Variants in AGPAT4 observed in about 807,000 individuals in gnomAD.
AGPAT4 encodes 1-acyl-sn-glycerol-3-phosphate acyltransferase delta.
AGPAT4 carries 15 observed loss-of-function variants against 48.0 expected under a neutral mutation model. The ratio of observed to expected loss-of-function variants is 0.31; its 90% CI spans 0.21 to 0.48. The LOEUF is 0.48. AGPAT4 is among the 20% of genes least tolerant of loss of function. The pLI is 0.99. For missense variants in AGPAT4, 314 were observed against 482.5 expected (o/e 0.65, Z 3.27); for synonymous variants, 178 against 198.7 (o/e 0.90, Z 0.88).
intron 3 of AGPAT4, among the ~76,000 whole-genome samples, chr6:161,156,936 G>T (rs903015105): frequency 6.6e-6 from 1 of 152,212 alleles, no homozygotes; most frequent in African/African-American, 2.4e-5. Flanking sequence ...TTTCCCATAA[G>T]GGATACTTTC....
chr6:161,159,864 C>T lies in AGPAT4; in HGVS notation c.349-5554G>A, dbSNP rs546755642. 4.0e-4 allele frequency among the ~76,000 whole-genome samples: 60 copies of T among 151,870 alleles called. 2 individuals carry two copies. The South Asian group carries it at 7.9e-3, about 20-fold the overall frequency. On this transcript the variant is annotated intron_variant, in intron 3 of 8. Coordinates refer to ENST00000320285, the MANE Select transcript of AGPAT4 (RefSeq NM_020133.3). The surrounding 1 kb of genome is among the most constrained non-coding windows in gnomAD (Gnocchi z 4.1). ...TTCACCATGTTGGCTAGTCTGGTCT[C>T]GAACTCCTGACCTTCAGGTCTCCCA...
intron 2 of AGPAT4, among the ~76,000 whole-genome samples, chr6:161,167,134 C>A (rs1780123370): frequency 6.6e-6 from 1 of 152,150 alleles, no homozygotes; most frequent in Non-Finnish European, 1.5e-5. Context: ...TCCAGAAAAA[C>A]AGTTGAATGT....
intron 1 of AGPAT4, among the ~76,000 whole-genome samples, chr6:161,239,504 T>C (rs1468863427): frequency 2.0e-5 from 3 of 152,228 alleles, no homozygotes; most frequent in African/African-American, 7.2e-5. Flanking sequence ...GTTTTTAATA[T>C]AGATTCACAT....
At chr6:161,224,514 T>G (rs924774504) in intron 2 of AGPAT4, among the ~76,000 whole-genome samples, 1 of 151,702 alleles carries the variant, frequency 6.6e-6, no homozygotes, top group East Asian at 1.9e-4. Flanking sequence ...CGGTGGCACC[T>G]GTCTGTAATC....
Position 161,161,380 on chromosome 6 carries a change from G to A in AGPAT4, c.348+4868C>T, listed in dbSNP as rs759872981. The A allele has an allele frequency of 1.0e-4, 46 of 456,524 alleles. No homozygotes were observed. The highest frequency in any genetic ancestry group is 1.6e-4 in the Non-Finnish European group (36 of 226,980). The allele number at this position is 456,524 out of a possible 1,614,324, so 28.3% of individuals were successfully genotyped here. ...TGCTACCTCGGTCGTCACCATTATC[G>A]GGTTCCTCATCCATGTGATTCCAGA... On this transcript the variant is annotated intron_variant, in intron 3 of 8. Transcript: ENST00000320285. The surrounding 1 kb of genome is among the most constrained non-coding windows in gnomAD (Gnocchi z 4.6).
Position 161,212,154 on chromosome 6 carries a change from G to A in AGPAT4, c.178+19882C>T, listed in dbSNP as rs1781537901. ...GTTATAAAGGTTATAAAAGGCTTAT[G>A]GAAGCTGTATCTTATGGTCAAGATT... On this transcript the variant is annotated intron_variant, in intron 2 of 8. Coordinates refer to ENST00000320285, the MANE Select transcript of AGPAT4 (RefSeq NM_020133.3). This position sits in a 1 kb window ranked among gnomAD's most constrained non-coding sequence, Gnocchi z 6.1. Among the ~76,000 whole-genome samples, 1 of 152,130 alleles carries A rather than the reference G, an allele frequency of 6.6e-6. No homozygotes were observed. The highest frequency in any genetic ancestry group is 2.1e-4 in the South Asian group (1 of 4,830).
At chr6:161,211,143 A>G (rs1781512734) in intron 2 of AGPAT4, among the ~76,000 whole-genome samples, 1 of 152,208 alleles carries the variant, frequency 6.6e-6, no homozygotes, top group Non-Finnish European at 1.5e-5. Flanking sequence ...TTAAATGGTG[A>G]CTATCACAGT....
rs925965125 is a variant in AGPAT4 at position 161,216,857 on chromosome 6, C to T, written c.178+15179G>A. 2.0e-5 allele frequency among the ~76,000 whole-genome samples: 3 copies of T among 152,180 alleles called. No individual in the cohort carries two copies. The highest frequency in any genetic ancestry group is 4.4e-5 in the Non-Finnish European group (3 of 68,028). On this transcript the variant is annotated intron_variant, in intron 2 of 8. Coordinates refer to ENST00000320285, the MANE Select transcript of AGPAT4 (RefSeq NM_020133.3). This position sits in a 1 kb window ranked among gnomAD's most constrained non-coding sequence, Gnocchi z 4.8. ...GATTCAACTACCTCCTCTTAGGTCC[C>T]TCCCACAATACGTGGGAATTCTGGG...
In AGPAT4 at chr6:161,146,444, G is replaced by C; in HGVS notation, c.843+80C>G. The stretch of plus-strand genomic sequence containing the variant: ...TGTGAGATCTCGCCCACCGGAGAAA[G>C]GCCTGCTACCACACAACACAGCCAC... On this transcript the variant is annotated intron_variant, in intron 7 of 8. Coordinates refer to ENST00000320285, the MANE Select transcript of AGPAT4 (RefSeq NM_020133.3). This position sits in a 1 kb window ranked among gnomAD's most constrained non-coding sequence, Gnocchi z 7.1. 7.2e-7 allele frequency: 1 copy of C among 1,386,914 alleles called. No individual in the cohort carries two copies. Among genetic ancestry groups the C allele is most frequent in the Non-Finnish European group, 1.0e-6 (1 of 991,594 alleles). 85.9% of individuals were successfully genotyped at this position (1,386,914 alleles called of 1,614,324 possible).
rs1259352578 is a variant in AGPAT4 at position 161,244,727 on chromosome 6, T to A, written c.-89-12425A>T. Among the ~76,000 whole-genome samples, 1 of 152,170 alleles carries A rather than the reference T, an allele frequency of 6.6e-6. No homozygotes were observed. The highest frequency in any genetic ancestry group is 2.4e-5 in the African/African-American group (1 of 41,442). On this transcript the variant is annotated intron_variant, in intron 1 of 8. Coordinates refer to ENST00000320285, the MANE Select transcript of AGPAT4 (RefSeq NM_020133.3). This position sits in a 1 kb window ranked among gnomAD's most constrained non-coding sequence, Gnocchi z 4.7. Reference sequence around the variant, plus strand: ...GACAAGGGTGCACACATCTCTCCCTTTGGTCTGGCCTAGCCCACCTACTCT... The same window carrying A: ...GACAAGGGTGCACACATCTCTCCCTATGGTCTGGCCTAGCCCACCTACTCT...
rs191582611 is a variant in AGPAT4, at chr6:161,189,971, C to T, written c.179-23554G>A. Among the ~76,000 whole-genome samples, 6 of 152,262 alleles carry T rather than the reference C, an allele frequency of 3.9e-5. No homozygotes were observed. The highest frequency in any genetic ancestry group is 2.6e-4 in the Admixed American group (4 of 15,298). The stretch of plus-strand genomic sequence containing the variant: ...TTAATTGGAGCATTTCTTTTCCTTT[C>T]TTAGAGATGCATAATAAATATGCAC... On this transcript the variant is annotated intron_variant, in intron 2 of 8. Coordinates refer to ENST00000320285, the MANE Select transcript of AGPAT4 (RefSeq NM_020133.3). This position sits in a 1 kb window ranked among gnomAD's most constrained non-coding sequence, Gnocchi z 5.3.
At chr6:161,207,079 T>C (rs9456641) in intron 2 of AGPAT4, among the ~76,000 whole-genome samples, 29,838 of 152,194 alleles carry the variant, frequency 0.2, 3,179 homozygotes, top group East Asian at 0.42. Flanking sequence ...AGGGACTTTT[T>C]CCAATGCAGA....
rs538279711 is a variant in AGPAT4, at chr6:161,270,320, C to T, written c.-90+3618G>A. The stretch of plus-strand genomic sequence containing the variant: ...TGCATGAAGCCAGGTTTCAGAGTTC[C>T]AGCGCTTCCTTTCCAAACTGATTCT... On this transcript the variant is annotated intron_variant, in intron 1 of 8. Coordinates refer to ENST00000320285, the MANE Select transcript of AGPAT4 (RefSeq NM_020133.3). The surrounding 1 kb of genome is among the most constrained non-coding windows in gnomAD (Gnocchi z 5.3). Among the ~76,000 whole-genome samples the T allele has an allele frequency of 6.6e-6, 1 of 152,300 alleles. No individual in the cohort carries two copies. The highest frequency in any genetic ancestry group is 2.1e-4 in the South Asian group (1 of 4,826).
chr6:161,166,057 T>C lies in AGPAT4; in HGVS notation c.348+191A>G. On this transcript the variant is annotated intron_variant, in intron 3 of 8. Transcript: ENST00000320285. The surrounding 1 kb of genome is among the most constrained non-coding windows in gnomAD (Gnocchi z 6.7). The stretch of plus-strand genomic sequence containing the variant: ...CAGGTAGCAATTGTTGAGTACCTCT[T>C]ATGATTGCCCATAAGAAGCTGTTAA... 1 of 716,902 alleles carries C rather than the reference T, an allele frequency of 1.4e-6. No individual in the cohort carries two copies. The highest frequency in any genetic ancestry group is 2.3e-6 in the Non-Finnish European group (1 of 428,124). 44.4% of individuals were successfully genotyped at this position (716,902 alleles called of 1,614,324 possible).
intron 2 of AGPAT4, among the ~76,000 whole-genome samples, chr6:161,210,449 T>C (rs1315073174): frequency 5.3e-5 from 8 of 152,208 alleles, no homozygotes; most frequent in African/African-American, 1.9e-4. Context: ...TGTACTTCTA[T>C]CGGCATGCCT....
Position 161,137,973 on chromosome 6 carries a change from T to C in AGPAT4, c.1043-1339A>G, listed in dbSNP as rs1462560416. On this transcript the variant is annotated intron_variant, in intron 8 of 8. Transcript: ENST00000320285. This position sits in a 1 kb window ranked among gnomAD's most constrained non-coding sequence, Gnocchi z 6.1. Reference sequence around the variant, plus strand: ...TTTTGGTACTCGCTACACAGCTGGGTGGCCCTGTCTGCAGCCTTCATCCTG... The same window carrying C: ...TTTTGGTACTCGCTACACAGCTGGGCGGCCCTGTCTGCAGCCTTCATCCTG... Among the ~76,000 whole-genome samples, 1 of 152,194 alleles carries C rather than the reference T, an allele frequency of 6.6e-6. No homozygotes were observed. The highest frequency in any genetic ancestry group is 6.5e-5 in the Admixed American group (1 of 15,286).
rs1783381386 is a variant in AGPAT4, at chr6:161,270,145, A to G, written c.-90+3793T>C. Among the ~76,000 whole-genome samples the G allele has an allele frequency of 6.6e-6, 1 of 152,218 alleles. No individual in the cohort carries two copies. The highest frequency in any genetic ancestry group is 1.5e-5 in the Non-Finnish European group (1 of 68,038). ...GTAAACCCATTTGAAAACTATAACTATTTAAACTGTATCTTGTTTTGCTCA... is the reference window on the plus strand; with the variant it reads ...GTAAACCCATTTGAAAACTATAACTGTTTAAACTGTATCTTGTTTTGCTCA... On this transcript the variant is annotated intron_variant, in intron 1 of 8. Coordinates refer to ENST00000320285, the MANE Select transcript of AGPAT4 (RefSeq NM_020133.3). The surrounding 1 kb of genome is among the most constrained non-coding windows in gnomAD (Gnocchi z 5.3).
rs2115046003 is a variant in AGPAT4, at chr6:161,243,585, G to A, written c.-89-11283C>T. On this transcript the variant is annotated intron_variant, in intron 1 of 8. Transcript: ENST00000320285. The surrounding 1 kb of genome is among the most constrained non-coding windows in gnomAD (Gnocchi z 4.8). ...TCCGGGTCTGTATCTGCTAATGGAG[G>A]TGAAATTCCCTGCCTCCCACCGTGC... Among the ~76,000 whole-genome samples, 1 of 152,218 alleles carries A rather than the reference G, an allele frequency of 6.6e-6. No individual in the cohort carries two copies. The highest frequency in any genetic ancestry group is 1.9e-4 in the East Asian group (1 of 5,176).
At chr6:161,263,699 A>C (rs1207071023) in intron 1 of AGPAT4, among the ~76,000 whole-genome samples, 1 of 152,098 alleles carries the variant, frequency 6.6e-6, no homozygotes, top group East Asian at 1.9e-4. Context: ...ATGGAGTCCA[A>C]ATGAGGATTT....
Sources: gnomAD v4.1 joint callset for allele counts (sites outside exome capture counted in the v4.1 genomes callset) on GRCh38, gnomAD v4.1.1 for gene constraint, Gnocchi (gnomAD v3.1) non-coding constraint, MANE v1.5 for transcripts, NCBI Gene and HGNC (gene_info 2026-07-23, HGNC 2026-07-21) for gene names.